The following SUPT20H variants were observed in gnomAD, a reference collection of about 807,000 sequenced individuals.
SUPT20H encodes transcription factor SPT20 homolog.
SUPT20H carries 82 observed loss-of-function variants against 122.8 expected under a neutral mutation model. The observed-to-expected ratio is 0.67, with a 90% CI of 0.56 to 0.80. SUPT20H has a LOEUF of 0.80. Ranked by LOEUF, SUPT20H falls within the 30% of genes least tolerant of loss-of-function variation. SUPT20H has a pLI of 0.00. For missense variants in SUPT20H, 831 were observed against 921.6 expected, an observed-to-expected ratio of 0.90 and a Z score of 1.27; for synonymous variants, 291 against 313.0, an observed-to-expected ratio of 0.93 and a Z score of 0.74.
intron 24 of SUPT20H, among the ~76,000 whole-genome samples, chr13:37,011,283 A>C (rs191976900): frequency 1.3e-5 from 2 of 152,256 alleles, no homozygotes; most frequent in African/African-American, 4.8e-5. Context: ...TTTTTTTCAG[A>C]CTAGAGTTGT....
intron 9 of SUPT20H, among the ~76,000 whole-genome samples, chr13:37,035,435 T>C (rs1396874532): frequency 2.0e-5 from 3 of 151,838 alleles, no homozygotes; most frequent in Admixed American, 2.0e-4. Flanking sequence ...CAATTAGAAG[T>C]AGAGAGCCTG....
At chr13:37,047,709 C>A in intron 4 of SUPT20H, 108 bp from the exon 5 acceptor site, 1 of 1,228,018 alleles carries the variant, frequency 8.1e-7, no homozygotes, top group Non-Finnish European at 1.1e-6. Flanking sequence ...CCTCAATTTC[C>A]CAAAAACTGG....
intron 16 of SUPT20H, chr13:37,025,912 T>C (rs2062171967): frequency 3.4e-6 from 1 of 291,104 alleles, no homozygotes. Context: ...TGCATTTAAG[T>C]CCCCCAAAAA....
At chr13:37,040,737 C>A in intron 7 of SUPT20H, 45 bp from the exon 8 acceptor site, 5 of 1,476,550 alleles carry the variant, frequency 3.4e-6, no homozygotes, top group Non-Finnish European at 4.7e-6. Context: ...TTTCCAAAAG[C>A]CTAAATAAGT....
chr13:37,012,101 G>C, intron 24 of SUPT20H, 91 bp downstream of exon 24: 1 of 993,052 alleles, frequency 1.0e-6, no homozygotes, highest in Non-Finnish European at 1.5e-6. Flanking sequence ...TGGTTGCAAG[G>C]GAAGGAAAAG....
At chr13:37,010,715 G>T in intron 24 of SUPT20H, 60 bp from the exon 25 acceptor site, 1 of 1,192,286 alleles carries the variant, frequency 8.4e-7, no homozygotes, top group Non-Finnish European at 1.2e-6. Flanking sequence ...ACCAGGGTTA[G>T]AAAAGGACAA....
intron 1 of SUPT20H, chr13:37,057,015 A>G (rs1342905019): frequency 6.6e-6 from 1 of 152,026 alleles, no homozygotes; most frequent in African/African-American, 2.4e-5. Flanking sequence ...GCTCTGAGAT[A>G]AGACTGGGCA....
rs2059221539 is a variant in SUPT20H at position 37,009,555 on chromosome 13, T to G, written c.*117A>C. 6.6e-6 allele frequency: 8 copies of G among 1,218,896 alleles called. No individual in the cohort carries two copies. The highest frequency in any genetic ancestry group is 9.6e-6 in the Non-Finnish European group (8 of 832,770). 75.5% of individuals were successfully genotyped at this position (1,218,896 alleles called of 1,614,324 possible). On this transcript the variant is annotated 3_prime_UTR_variant, in exon 26 of 26. Transcript: ENST00000350612. ...ATAAGGTTGTGCTTCTGTATAAAGT[T>G]TGTACATCTAGCAATGTAAAATACT...
intron 24 of SUPT20H, among the ~76,000 whole-genome samples, chr13:37,011,743 T>G (rs987995735): frequency 6.6e-6 from 1 of 152,162 alleles, no homozygotes; most frequent in African/African-American, 2.4e-5. Context: ...TTTTTTTAAA[T>G]GATAAAAGTG....
chr13:37,022,239 G>A lies in SUPT20H; in HGVS notation c.1592-159C>T. 3 of 1,553,248 alleles carry A rather than the reference G, an allele frequency of 1.9e-6. No homozygotes were observed. Among genetic ancestry groups the A allele is most frequent in the Non-Finnish European group, 2.6e-6 (3 of 1,148,256 alleles). On this transcript the variant is annotated intron_variant, in intron 19 of 25. Transcript: ENST00000350612. The surrounding 1 kb of genome is among the most constrained non-coding windows in gnomAD (Gnocchi z 4.5). ...AGGGGTGGCTGAAGGGGTACTAGGA[G>A]TTGAGCTCTGAGCATCAGGAGGGTG...
chr13:37,040,844 A>AGCCT, intron 7 of SUPT20H, 152 bp from the exon 8 acceptor site: 1 of 604,582 alleles, frequency 1.7e-6, no homozygotes, highest in Non-Finnish European at 3.0e-6. Flanking sequence ...TAGATTTAAC[A>AGCCT]CTATGTAAAC....
chr13:37,021,419 T>A, intron 21 of SUPT20H, 29 bp downstream of exon 21: 1 of 1,561,518 alleles, frequency 6.4e-7, no homozygotes, highest in Non-Finnish European at 8.7e-7. Context: ...TTAATTTTTT[T>A]TAGAGGTTAT....
chr13:37,012,584 T>C (rs145391090), intron 23 of SUPT20H: 1 of 210,988 alleles, frequency 4.7e-6, no homozygotes, highest in Non-Finnish European at 9.4e-6. Context: ...TTTTTAAAGC[T>C]TAAAACACCC....
At chr13:37,011,953 C>T (rs2059694703) in intron 24 of SUPT20H, among the ~76,000 whole-genome samples, 1 of 151,944 alleles carries the variant, frequency 6.6e-6, no homozygotes, top group African/African-American at 2.4e-5. Flanking sequence ...ATTATTTTGC[C>T]AGTAAACTGT....
In SUPT20H at chr13:37,028,296, CT is replaced by C; in HGVS notation, c.1002del (p.Asp335MetfsTer18). 6.2e-7 allele frequency: 1 copy of C among 1,605,798 alleles called. No individual in the cohort carries two copies. Among genetic ancestry groups the C allele is most frequent in the Non-Finnish European group, 8.5e-7 (1 of 1,177,444 alleles). On this transcript the variant is annotated frameshift_variant, in exon 14 of 26. Transcript: ENST00000350612. LOFTEE classifies it high-confidence loss of function. ...QPTVWPAHDV[K>X]DDYVFECEAG... Reference sequence around the variant, plus strand: ...GCTTCACATTCAAATACATAATCATCTTTTACATCCTGAAAAATGCATAGCA... The same window carrying C: ...GCTTCACATTCAAATACATAATCATCTTTACATCCTGAAAAATGCATAGCA...
At chr13:37,021,362 G>T (rs2061437191) in intron 21 of SUPT20H, 86 bp downstream of exon 21, 3 of 1,297,896 alleles carry the variant, frequency 2.3e-6, no homozygotes, top group African/African-American at 1.5e-5. Context: ...GACATTAAAT[G>T]CCTTTAGCAT....
chr13:37,040,114 G>T, intron 9 of SUPT20H: 1 of 262,826 alleles, frequency 3.8e-6, no homozygotes. Context: ...TGTAACCATG[G>T]TAAAAACAAA....
At position 37,045,989 on chromosome 13, in the gene SUPT20H, T is replaced by C. The variant is rs571492289; in HGVS notation, c.166-616A>G. 4.3e-3 allele frequency among the ~76,000 whole-genome samples: 656 copies of C among 152,230 alleles called. 3 individuals are homozygous for C. Among genetic ancestry groups the C allele is most frequent in the African/African-American group, 0.015 (626 of 41,576 alleles). On this transcript the variant is annotated intron_variant, in intron 5 of 25. Transcript: ENST00000350612. The stretch of plus-strand genomic sequence containing the variant: ...AAGTCCATGATTTTAAAAATGCTTA[T>C]AATTTAAAATAAAACCTACCTACTT...
chr13:37,031,937 GA>G, intron 10 of SUPT20H, 42 bp from the exon 11 acceptor site: 1 of 1,524,630 alleles, frequency 6.6e-7, no homozygotes, highest in Non-Finnish European at 8.8e-7. Flanking sequence ...ACTAATAAAA[GA>G]AACTCATAAT....
Sources: allele counts gnomAD v4.1 joint callset (sites outside exome capture counted in the v4.1 genomes callset), GRCh38; gene constraint gnomAD v4.1.1; non-coding constraint Gnocchi (gnomAD v3.1); transcripts MANE v1.5; gene names NCBI Gene and HGNC (gene_info 2026-07-23, HGNC 2026-07-21).